Variants in IGSF9B observed in about 807,000 individuals in gnomAD.
IGSF9B encodes protein turtle homolog B.
IGSF9B carries 48 observed loss-of-function variants against 143.7 expected under a neutral mutation model. The ratio of observed to expected loss-of-function variants is 0.33; its 90% CI spans 0.26 to 0.42. The LOEUF (loss-of-function observed/expected upper bound fraction) is 0.42. Ranked by LOEUF, IGSF9B falls within the 20% of genes least tolerant of loss-of-function variation. The pLI is 1.00. For missense variants in IGSF9B, 1,706 were observed against 1,980.0 expected (o/e 0.86, Z 2.63); for synonymous variants, 903 against 833.1 (o/e 1.08, Z -1.44).
intron 3 of IGSF9B, among the ~76,000 whole-genome samples, chr11:133,942,680 T>C (rs1022407932): frequency 6.6e-6 from 1 of 152,218 alleles, no homozygotes; most frequent in African/African-American, 2.4e-5. Flanking sequence ...AGCCTGGTGT[T>C]CATCAAGGCG....
chr11:133,923,187 C>T (rs915296536), intron 15 of IGSF9B, among the ~76,000 whole-genome samples: 3 of 152,204 alleles, frequency 2.0e-5, no homozygotes, highest in Non-Finnish European at 2.9e-5. Flanking sequence ...CAAACCAGAA[C>T]GCAGCTGCCT....
At position 133,905,007 on chromosome 11, in the gene IGSF9B, G is replaced by A. The variant is rs566633065; in HGVS notation, c.*4062C>T. Among the ~76,000 whole-genome samples, 21 of 150,056 alleles carry A rather than the reference G, an allele frequency of 1.4e-4. No individual in the cohort carries two copies. The highest frequency in any genetic ancestry group is 2.2e-4 in the Non-Finnish European group (15 of 67,732). On this transcript the variant is annotated 3_prime_UTR_variant, in exon 20 of 20. Transcript: ENST00000533871. The surrounding 1 kb of genome is among the most constrained non-coding windows in gnomAD (Gnocchi z 4.0). The stretch of plus-strand genomic sequence containing the variant: ...CAGGCAGGGCTGGGTTAGAAGCCCC[G>A]GTGGGAATGTGCACAGCTCCTAGAG...
In IGSF9B at chr11:133,902,461, CAGAT is replaced by C. The variant is rs113379902; in HGVS notation, c.*6604_*6607del. 5.2e-4 allele frequency among the ~76,000 whole-genome samples: 56 copies of C among 107,812 alleles called. No homozygotes were observed. Among genetic ancestry groups the C allele is most frequent in the Non-Finnish European group, 7.3e-4 (33 of 45,106 alleles). 70.7% of individuals were successfully genotyped at this position (107,812 alleles called of 152,430 possible). ...ACACACCACCCAGACACACCACACA[CAGAT>C]ACACACACCACACACAACACACACA... is the stretch of plus-strand genomic sequence containing the variant. On this transcript the variant is annotated 3_prime_UTR_variant, in exon 20 of 20. Transcript: ENST00000533871.
chr11:133,930,204 G>A (rs1325118755), intron 11 of IGSF9B, among the ~76,000 whole-genome samples: 3 of 152,132 alleles, frequency 2.0e-5, no homozygotes, highest in Non-Finnish European at 2.9e-5. Flanking sequence ...GCTGGCATGT[G>A]GGCAGCACAG....
In IGSF9B at chr11:133,898,798, C is replaced by T. The variant is rs895895631; in HGVS notation, c.*10271G>A. ...CCAGTCCCTGGACTCTGAGACTCCACCCTCCAATGCCACAGGCAACCCCCT... is the reference window on the plus strand; with the variant it reads ...CCAGTCCCTGGACTCTGAGACTCCATCCTCCAATGCCACAGGCAACCCCCT... On this transcript the variant is annotated 3_prime_UTR_variant, in exon 20 of 20. Coordinates refer to ENST00000533871, the MANE Select transcript of IGSF9B (RefSeq NM_001277285.4). The T allele has an allele frequency of 2.0e-5, 3 of 152,292 alleles. No homozygotes were observed. The highest frequency in any genetic ancestry group is 4.4e-5 in the Non-Finnish European group (3 of 68,082). The allele number at this position is 152,292 out of a possible 1,614,324, so 9.4% of individuals were successfully genotyped here.
chr11:133,909,278 C>G lies in IGSF9B; in HGVS notation c.4106-1G>C. 1 of 1,535,450 alleles carries G rather than the reference C, an allele frequency of 6.5e-7. No homozygotes were observed. The highest frequency in any genetic ancestry group is 8.7e-7 in the Non-Finnish European group (1 of 1,146,412). On this transcript the variant is annotated splice_acceptor_variant, in intron 19 of 19. Transcript: ENST00000533871. LOFTEE classifies it high-confidence loss of function. This position sits in a 1 kb window ranked among gnomAD's most constrained non-coding sequence, Gnocchi z 4.2. ...TGCTGAGTCTGGGAGGCAGAATCGT[C>G]TAGGAAGAAAGGAAGAGGGACGCAA... is the stretch of plus-strand genomic sequence containing the variant.
At position 133,921,136 on chromosome 11, in the gene IGSF9B, G is replaced by A. The variant is rs375548937; in HGVS notation, c.2589C>T (p.Ala863=). The A allele has an allele frequency of 4.2e-5, 67 of 1,613,450 alleles. 1 individual carries two copies. Among genetic ancestry groups the A allele is most frequent in the South Asian group, 3.8e-4 (35 of 91,084 alleles). The change falls in exon 18 of 20, where the codon GCC becomes GCT. Residue 863 remains alanine, a synonymous_variant. Coordinates refer to ENST00000533871, the MANE Select transcript of IGSF9B (RefSeq NM_001277285.4). ...TGCTCTTCAGCGAGGGCTCCATCTC[G>A]GCAGGGTCCATCACGAAGCGGCCGT... ...GPDGRFVMDP[A]EMEPSLKSRR... is the part of the protein sequence containing the mutation.
At position 133,922,755 on chromosome 11, in the gene IGSF9B, A is replaced by G. The variant is rs377293668; in HGVS notation, c.2120-25T>C. 24 of 1,535,942 alleles carry G rather than the reference A, an allele frequency of 1.6e-5. No individual in the cohort carries two copies. In the Admixed American group the frequency reaches 2.7e-4, roughly 17 times the overall value. ...TCTGCAGGGAGGGTGGGGAGCACTC[A>G]TGAGCCCATCCTTCCCCGGGACCTC... On this transcript the variant is annotated intron_variant, in intron 15 of 19. Coordinates refer to ENST00000533871, the MANE Select transcript of IGSF9B (RefSeq NM_001277285.4).
At position 133,921,404 on chromosome 11, in the gene IGSF9B, G is replaced by A. The variant is rs1388317417; in HGVS notation, c.2328-7C>T. 2.0e-6 allele frequency: 3 copies of A among 1,493,768 alleles called. No individual in the cohort carries two copies. The highest frequency in any genetic ancestry group is 2.7e-6 in the Non-Finnish European group (3 of 1,124,474). The allele number at this position is 1,493,768 out of a possible 1,614,324, so 92.5% of individuals were successfully genotyped here. A position where few individuals can be genotyped will look rare whatever the true frequency, so the allele number is the denominator to read the frequency against. On this transcript the variant is annotated splice_polypyrimidine_tract_variant and splice_region_variant and intron_variant, in intron 17 of 19. Coordinates refer to ENST00000533871, the MANE Select transcript of IGSF9B (RefSeq NM_001277285.4). The stretch of plus-strand genomic sequence containing the variant: ...CACCTTGCCAGAGGACAAGCTGCAA[G>A]GAGGAGCAAGAGCCGGGAGGGGATG...
At chr11:133,923,661 G>A (rs1939579342) in intron 15 of IGSF9B, among the ~76,000 whole-genome samples, 1 of 152,254 alleles carries the variant, frequency 6.6e-6, no homozygotes, top group Admixed American at 6.5e-5. Flanking sequence ...TAATCCAGAT[G>A]ATGCTGATTG....
At chr11:133,911,864 C>T (rs774678121) in intron 19 of IGSF9B, 22 bp downstream of exon 19, 23 of 1,508,506 alleles carry the variant, frequency 1.5e-5, no homozygotes, top group South Asian at 2.5e-5. Context: ...AGGAGCGGGG[C>T]GGGCCACTGC....
At chr11:133,927,381 G>A (rs1939647347) in intron 12 of IGSF9B, among the ~76,000 whole-genome samples, 1 of 152,228 alleles carries the variant, frequency 6.6e-6, no homozygotes, top group African/African-American at 2.4e-5. Context: ...GCTGCATTGT[G>A]GGAGAATCCC....
Position 133,926,545 on chromosome 11 carries a change from G to A in IGSF9B, c.1807+371C>T, listed in dbSNP as rs1212918333. ...AAGGTGGCCTGGAAGACTCTGCAGCGGGAGGCAGCCACATGCCTACCGCCC... is the reference window on the plus strand; with the variant it reads ...AAGGTGGCCTGGAAGACTCTGCAGCAGGAGGCAGCCACATGCCTACCGCCC... On this transcript the variant is annotated intron_variant, in intron 13 of 19. Transcript: ENST00000533871. 7.2e-5 allele frequency among the ~76,000 whole-genome samples: 11 copies of A among 152,352 alleles called. No homozygotes were observed. The East Asian group carries it at 7.7e-4, about 11-fold the overall frequency.
At chr11:133,938,074 CA>C (rs1272942812) in intron 3 of IGSF9B, 113 bp from the exon 4 acceptor site, 2 of 1,213,050 alleles carry the variant, frequency 1.6e-6, no homozygotes, top group Non-Finnish European at 2.3e-6. Flanking sequence ...AATGCAAGGA[CA>C]AAGGAAGGAA....
intron 11 of IGSF9B, 105 bp from the exon 12 acceptor site, chr11:133,929,887 C>G (rs968545141): frequency 1.4e-6 from 1 of 724,358 alleles, no homozygotes; most frequent in Non-Finnish European, 2.4e-6. Flanking sequence ...CGCATGGCAG[C>G]GGAGCACAAT....
chr11:133,942,788 G>T (rs1451945453), intron 3 of IGSF9B, among the ~76,000 whole-genome samples: 1 of 152,142 alleles, frequency 6.6e-6, no homozygotes, highest in Non-Finnish European at 1.5e-5. Context: ...TGACTCAAAA[G>T]CTTACCAGGT....
chr11:133,952,609 G>A (rs1486160169), intron 1 of IGSF9B, among the ~76,000 whole-genome samples: 1 of 152,130 alleles, frequency 6.6e-6, no homozygotes, highest in Non-Finnish European at 1.5e-5. Flanking sequence ...TGTGCACACA[G>A]GCATACATGC....
intron 1 of IGSF9B, among the ~76,000 whole-genome samples, chr11:133,955,930 C>T (rs1940244252): frequency 6.6e-6 from 1 of 152,056 alleles, no homozygotes; most frequent in African/African-American, 2.4e-5. Flanking sequence ...CCAGCCAGCT[C>T]TGCCTCGCAG....
chr11:133,919,943 C>A lies in IGSF9B; in HGVS notation c.3782G>T (p.Ser1261Ile). The A allele has an allele frequency of 1.3e-6, 2 of 1,557,104 alleles. No individual in the cohort carries two copies. The highest frequency in any genetic ancestry group is 1.7e-6 in the Non-Finnish European group (2 of 1,150,968). The change falls in exon 18 of 20, where the codon AGC (serine) becomes ATC (isoleucine). Residue 1261 changes from serine to isoleucine, a missense_variant. Transcript: ENST00000533871. ...GTAGCTGGGACTCCCACTGCGGCTG[C>A]TCTGGGAGGGGGAGCCTGTGGACGG... ...STPSTGSPSQ[S>I]SRSGSPSYRP...
Sources: allele counts gnomAD v4.1 joint callset (sites outside exome capture counted in the v4.1 genomes callset), GRCh38; gene constraint gnomAD v4.1.1; non-coding constraint Gnocchi (gnomAD v3.1); transcripts MANE v1.5; gene names NCBI Gene and HGNC (gene_info 2026-07-23, HGNC 2026-07-21).